The following MUCL3 variants were observed in gnomAD, a reference collection of about 807,000 sequenced individuals.
The protein encoded by MUCL3 is mucin like 3.
MUCL3 carries 42 observed loss-of-function variants against 70.2 expected under a neutral mutation model. The ratio of observed to expected loss-of-function variants is 0.60; its 90% CI spans 0.47 to 0.77. The LOEUF (loss-of-function observed/expected upper bound fraction) is 0.77, where lower values mean the gene tolerates loss of function less well. Among genes scored for constraint, MUCL3 ranks in the 30% least tolerant of loss-of-function variants. The pLI, the probability that MUCL3 is intolerant of heterozygous loss-of-function variation, is 0.00. For missense variants in MUCL3, 1,429 were observed against 1,670.0 expected (o/e 0.86, Z 2.52); for synonymous variants, 522 against 647.0 (o/e 0.81, Z 2.93).
chr6:30,950,003 A>T lies in MUCL3; in HGVS notation c.1539A>T (p.Thr513=). Reference sequence around the variant, plus strand: ...CCCCATTTGCCAATGAGAAAACCACATCATCCTCAGCAGAGCCTACAGAAC... The same window carrying T: ...CCCCATTTGCCAATGAGAAAACCACTTCATCCTCAGCAGAGCCTACAGAAC... ...QRTPFANEKT[T]SSSAEPTEHG... is the part of the protein sequence containing the mutation. Residue 513 remains threonine (T), a synonymous_variant, in exon 2 of 3, where the codon ACA becomes ACT. Transcript: ENST00000462446. The T allele has an allele frequency of 1.3e-6, 2 of 1,545,038 alleles. No homozygotes were observed. Among genetic ancestry groups the T allele is most frequent in the Non-Finnish European group, 1.7e-6 (2 of 1,145,760 alleles).
Position 30,951,829 on chromosome 6 carries a change from C to T in MUCL3, c.3365C>T (p.Ala1122Val). 2 of 1,584,044 alleles carry T rather than the reference C, an allele frequency of 1.3e-6. No homozygotes were observed. The highest frequency in any genetic ancestry group is 1.4e-5 in the African/African-American group (1 of 73,994). The change falls in exon 2 of 3, where the codon GCA becomes GTA. Residue 1122 changes from alanine to valine, a missense_variant. Physicochemically the swap from Ala to Val is moderately conservative, Grantham distance 64. Coordinates refer to ENST00000462446, the MANE Select transcript of MUCL3 (RefSeq NM_080870.4). ...CCCAATGACAAGATCACCTCATCTG[C>T]AGCAGAGTCTACAGAACATAGAGAT... ...TSPNDKITSS[A>V]AESTEHRDRA...
chr6:30,941,141 G>A (rs754089463), intron 1 of MUCL3, 60 bp downstream of exon 1: 85 of 1,527,862 alleles, frequency 5.6e-5, no homozygotes, highest in African/African-American at 1.4e-4. Context: ...TGTTCATAGC[G>A]TTGGACAACA....
Position 30,953,015 on chromosome 6 carries a change from C to T in MUCL3, c.4080C>T (p.Thr1360=), listed in dbSNP as rs749659349. The T allele has an allele frequency of 6.2e-7, 1 of 1,614,252 alleles. No homozygotes were observed. Among genetic ancestry groups the T allele is most frequent in the Non-Finnish European group, 8.5e-7 (1 of 1,180,036 alleles). Residue 1360 remains threonine, a synonymous_variant, in exon 3 of 3, where the codon ACC becomes ACT. Coordinates refer to ENST00000462446, the MANE Select transcript of MUCL3 (RefSeq NM_080870.4). The part of the protein sequence containing the change: ...MRTRRTLTQN[T]QYNDAEDEGG... ...CACGCCGCACACTAACCCAGAACAC[C>T]CAGTACAATGATGCAGAGGATGAGG...
Position 30,951,204 on chromosome 6 carries a change from A to G in MUCL3, c.2740A>G (p.Thr914Ala). ...AAGGACCCCATTTACCAATGAGAAG[A>G]CCACACCATCCTCAGCAGAGCCTAC... ...GERTPFTNEKTTPSSAEPTEH... is the reference protein window; with the variant it reads ...GERTPFTNEKATPSSAEPTEH... The change falls in exon 2 of 3, where the codon ACC (threonine) becomes GCC (alanine). Residue 914 changes from threonine (T) to alanine (A), a missense_variant. Thr to Ala is a moderately conservative substitution (Grantham distance 58). Transcript: ENST00000462446. 2 of 1,551,552 alleles carry G rather than the reference A, an allele frequency of 1.3e-6. No homozygotes were observed. The highest frequency in any genetic ancestry group is 2.7e-5 in the African/African-American group (2 of 72,824).
Position 30,950,743 on chromosome 6 carries a change from C to T in MUCL3, c.2279C>T (p.Thr760Ile). Residue 760 changes from threonine to isoleucine, a missense_variant, in exon 2 of 3, where the codon ACA becomes ATA. Physicochemically the swap from Thr to Ile is moderately conservative, Grantham distance 89 (BLOSUM62 -1). Coordinates refer to ENST00000462446, the MANE Select transcript of MUCL3 (RefSeq NM_080870.4). ...ACCACACCATCCCCAGCACAGCCTA[C>T]AGAAAATGGAGACAGGACTCCATTG... ...ENTTPSPAQP[T>I]ENGDRTPLAN... The T allele has an allele frequency of 1.3e-6, 2 of 1,548,804 alleles. No homozygotes were observed. The highest frequency in any genetic ancestry group is 8.7e-7 in the Non-Finnish European group (1 of 1,146,648).
rs749303534 is a variant in MUCL3 at position 30,951,954 on chromosome 6, G to A, written c.3490G>A (p.Glu1164Lys). The change falls in exon 2 of 3, where the codon GAA becomes AAA. Residue 1164 changes from glutamate to lysine, a missense_variant. By Grantham distance (56) the Glu-to-Lys change is moderately conservative (BLOSUM62 1). Transcript: ENST00000462446. ...LAHEKMTQVT[E>K]KSTEHPEKTT... The stretch of plus-strand genomic sequence containing the variant: ...CCATGAGAAGATGACACAAGTCACA[G>A]AAAAGTCCACAGAACACCCAGAAAA... 2 of 1,611,986 alleles carry A rather than the reference G, an allele frequency of 1.2e-6. No individual in the cohort carries two copies. Among genetic ancestry groups the A allele is most frequent in the Non-Finnish European group, 8.5e-7 (1 of 1,179,566 alleles).
At position 30,948,740 on chromosome 6, in the gene MUCL3, T is replaced by C; in HGVS notation, c.276T>C (p.His92=). 1.3e-6 allele frequency: 2 copies of C among 1,551,586 alleles called. No homozygotes were observed. Among genetic ancestry groups the C allele is most frequent in the Non-Finnish European group, 1.7e-6 (2 of 1,146,974 alleles). The part of the protein sequence containing the change: ...EQKRHCNTTR[H]SKPTDKPTGN... Reference sequence around the variant, plus strand: ...AACGCCACTGCAACACCACACGCCATTCTAAGCCAACTGACAAGCCTACAG... The same window carrying C: ...AACGCCACTGCAACACCACACGCCACTCTAAGCCAACTGACAAGCCTACAG... The change falls in exon 2 of 3, where the codon CAT becomes CAC. Residue 92 remains histidine, a synonymous_variant. Transcript: ENST00000462446.
At position 30,953,471 on chromosome 6, in the gene MUCL3, G is replaced by A. The variant is rs1454361299; in HGVS notation, c.*354G>A. On this transcript the variant is annotated 3_prime_UTR_variant, in exon 3 of 3. Coordinates refer to ENST00000462446, the MANE Select transcript of MUCL3 (RefSeq NM_080870.4). ...CAGGAGCCTTATAGGCAATGCCCCA[G>A]ACTGACTTGTGAGTGGGGTTTATGG... 1 of 284,570 alleles carries A rather than the reference G, an allele frequency of 3.5e-6. No individual in the cohort carries two copies. The highest frequency in any genetic ancestry group is 6.6e-6 in the Non-Finnish European group (1 of 151,698). 17.6% of individuals were successfully genotyped at this position (284,570 alleles called of 1,614,324 possible).
At chr6:30,942,370 C>T (rs1209788116) in intron 1 of MUCL3, among the ~76,000 whole-genome samples, 1 of 152,092 alleles carries the variant, frequency 6.6e-6, no homozygotes, top group Non-Finnish European at 1.5e-5. Context: ...GGAGGAGGGT[C>T]TCCACAAGGC....
At chr6:30,947,566 A>C (rs910838857) in intron 1 of MUCL3, among the ~76,000 whole-genome samples, 1 of 151,678 alleles carries the variant, frequency 6.6e-6, no homozygotes, top group African/African-American at 2.4e-5. Flanking sequence ...CTCTGTCTCC[A>C]TCAGGTTGTT....
chr6:30,950,889 C>G lies in MUCL3; in HGVS notation c.2425C>G (p.Pro809Ala). The G allele has an allele frequency of 6.5e-7, 1 of 1,546,368 alleles. No individual in the cohort carries two copies. The highest frequency in any genetic ancestry group is 2.5e-5 in the East Asian group (1 of 40,578). ...GCCTACAGAACACGCAGAAAGGACT[C>G]CACTGGCCAATGAGAACACCACATC... ...AEPTEHAERT[P>A]LANENTTSSP... The change falls in exon 2 of 3, where the codon CCA becomes GCA. Residue 809 changes from proline to alanine, a missense_variant. Physicochemically the swap from Pro to Ala is conservative, Grantham distance 27. Transcript: ENST00000462446.
At chr6:30,947,834 C>T (rs1760377246) in intron 1 of MUCL3, among the ~76,000 whole-genome samples, 1 of 151,970 alleles carries the variant, frequency 6.6e-6, no homozygotes. Context: ...CCAACTTTAT[C>T]ACCGAAATGA....
At chr6:30,945,576 G>T (rs1055913051) in intron 1 of MUCL3, among the ~76,000 whole-genome samples, 1 of 151,880 alleles carries the variant, frequency 6.6e-6, no homozygotes, top group Non-Finnish European at 1.5e-5. Context: ...GAGCCCAGGA[G>T]GTCAGGACTG....
chr6:30,951,047 A>G lies in MUCL3; in HGVS notation c.2583A>G (p.Thr861=). 1 of 1,551,732 alleles carries G rather than the reference A, an allele frequency of 6.4e-7. No homozygotes were observed. Among genetic ancestry groups the G allele is most frequent in the Non-Finnish European group, 8.7e-7 (1 of 1,147,030 alleles). Residue 861 remains threonine, a synonymous_variant, in exon 2 of 3, where the codon ACA becomes ACG. Coordinates refer to ENST00000462446, the MANE Select transcript of MUCL3 (RefSeq NM_080870.4). ...EKTTPFPAEP[T]ENREWTANEN... is the part of the protein sequence containing the mutation. ...CCACACCATTCCCAGCAGAGCCTAC[A>G]GAAAATAGAGAATGGACAGCCAATG...
At chr6:30,941,605 ACCTG>A (rs10612455) in intron 1 of MUCL3, among the ~76,000 whole-genome samples, 32,979 of 151,306 alleles carry the variant, frequency 0.22, 3,808 homozygotes, top group African/African-American at 0.26. Flanking sequence ...GATTACAGGC[ACCTG>A]CCACCACGCC....
chr6:30,950,908 C>A lies in MUCL3; in HGVS notation c.2444C>A (p.Thr815Asn). 1.3e-6 allele frequency: 2 copies of A among 1,551,220 alleles called. No individual in the cohort carries two copies. The highest frequency in any genetic ancestry group is 1.4e-5 in the African/African-American group (1 of 72,882). ...AERTPLANEN[T>N]TSSPAEPTEN... ...AGGACTCCACTGGCCAATGAGAACA[C>A]CACATCATCCCCAGCAGAGCCTACA... Residue 815 changes from threonine to asparagine, a missense_variant, in exon 2 of 3, where the codon ACC becomes AAC. Physicochemically the swap from Thr to Asn is moderately conservative, Grantham distance 65. Transcript: ENST00000462446.
In MUCL3 at chr6:30,949,288, C is replaced by T. The variant is rs1317857163; in HGVS notation, c.824C>T (p.Ala275Val). Residue 275 changes from alanine (A) to valine (V), a missense_variant, in exon 2 of 3, where the codon GCC (alanine) becomes GTC (valine). Ala to Val is a moderately conservative substitution (Grantham distance 64). Coordinates refer to ENST00000462446, the MANE Select transcript of MUCL3 (RefSeq NM_080870.4). ...AAAAACATACAAGAGACCATATCAG[C>T]CAATGAGCTCACACAATCTCTAGCA... ...TTKNIQETIS[A>V]NELTQSLAEP... 6 of 1,551,630 alleles carry T rather than the reference C, an allele frequency of 3.9e-6. No individual in the cohort carries two copies. Among genetic ancestry groups the T allele is most frequent in the South Asian group, 1.2e-5 (1 of 84,036 alleles).
At position 30,949,944 on chromosome 6, in the gene MUCL3, T is replaced by G. The variant is rs1380496474; in HGVS notation, c.1480T>G (p.Ser494Ala). ...AACAGCCAATGAGAAGACCACACCA[T>G]CCCCAGCAGAGCCTACAGAAAATGG... ...ETTANEKTTP[S>A]PAEPTENGQR... is the part of the protein sequence containing the mutation. Residue 494 changes from serine (S) to alanine (A), a missense_variant, in exon 2 of 3, where the codon TCC (serine) becomes GCC (alanine). Ser to Ala is a moderately conservative substitution (Grantham distance 99). Coordinates refer to ENST00000462446, the MANE Select transcript of MUCL3 (RefSeq NM_080870.4). The G allele has an allele frequency of 2.6e-6, 4 of 1,545,048 alleles. No homozygotes were observed.
chr6:30,953,296 G>A lies in MUCL3; in HGVS notation c.*179G>A. The A allele has an allele frequency of 1.1e-6, 1 of 873,208 alleles. No individual in the cohort carries two copies. The highest frequency in any genetic ancestry group is 1.7e-6 in the Non-Finnish European group (1 of 587,120). The allele number at this position is 873,208 out of a possible 1,614,324, so 54.1% of individuals were successfully genotyped here. The stretch of plus-strand genomic sequence containing the variant: ...TGGGGAATGAGGTGATAAGCAAGGA[G>A]GGTGTAAGTTTAGGGGACAAAGAAG... On this transcript the variant is annotated 3_prime_UTR_variant, in exon 3 of 3. Coordinates refer to ENST00000462446, the MANE Select transcript of MUCL3 (RefSeq NM_080870.4).
Sources: allele counts gnomAD v4.1 joint callset (sites outside exome capture counted in the v4.1 genomes callset), GRCh38; gene constraint gnomAD v4.1.1; transcripts MANE v1.5; gene names NCBI Gene and HGNC (gene_info 2026-07-23, HGNC 2026-07-21).